The following CLSTN2 variants were observed in gnomAD, a reference collection of about 807,000 sequenced individuals.
CLSTN2 encodes the protein calsyntenin 2.
CLSTN2 carries 48 observed loss-of-function variants against 101.2 expected under a neutral mutation model. The ratio of observed to expected loss-of-function variants is 0.47; its 90% CI spans 0.38 to 0.60. The LOEUF (loss-of-function observed/expected upper bound fraction) is 0.60. Ranked by LOEUF, CLSTN2 falls within the 20% of genes least tolerant of loss-of-function variation. The probability of loss-of-function intolerance (pLI) is 0.00; values close to 1 mark genes in which losing one functional copy is unlikely to be tolerated. For synonymous variants in CLSTN2, 481 were observed against 463.6 expected (o/e 1.04, Z -0.48); for missense variants, 1,160 against 1,238.2 (o/e 0.94, Z 0.95).
At chr3:140,474,495 G>A (rs530488060) in intron 8 of CLSTN2, among the ~76,000 whole-genome samples, 183 of 152,270 alleles carry the variant, frequency 1.2e-3, no homozygotes, top group Admixed American at 2.8e-3. Flanking sequence ...ATAGATGAAG[G>A]TGCCAAATCG....
At chr3:140,546,738 G>C in intron 10 of CLSTN2, 57 bp downstream of exon 10, 2 of 1,465,698 alleles carry the variant, frequency 1.4e-6, no homozygotes, top group Non-Finnish European at 9.2e-7. Context: ...TGCCCAGCCT[G>C]CACAGCGCCA....
intron 2 of CLSTN2, among the ~76,000 whole-genome samples, chr3:140,239,626 C>G (rs1189695594): frequency 1.3e-5 from 2 of 152,124 alleles, no homozygotes; most frequent in Non-Finnish European, 2.9e-5. Flanking sequence ...ACAATATCAT[C>G]CTCTGTGTCA....
At chr3:140,240,220 A>ATATATG (rs1455492947) in intron 2 of CLSTN2, among the ~76,000 whole-genome samples, 1 of 27,542 alleles carries the variant, frequency 3.6e-5, no homozygotes, top group Non-Finnish European at 6.2e-5. Flanking sequence ...ACACACACAC[A>ATATATG]CATATATATA....
At chr3:140,370,237 A>AC (rs990853340) in intron 2 of CLSTN2, among the ~76,000 whole-genome samples, 5 of 151,956 alleles carry the variant, frequency 3.3e-5, no homozygotes, top group Non-Finnish European at 5.9e-5. Context: ...ATGTCAAAGC[A>AC]CCCCCCATGC....
At chr3:139,976,772 C>A (rs923800137) in intron 1 of CLSTN2, among the ~76,000 whole-genome samples, 1 of 152,196 alleles carries the variant, frequency 6.6e-6, no homozygotes, top group Admixed American at 6.5e-5. Flanking sequence ...GGGTGTGAAA[C>A]ACGCTGAGGG....
intron 1 of CLSTN2, among the ~76,000 whole-genome samples, chr3:140,078,045 T>A (rs1189377945): frequency 6.6e-6 from 1 of 152,088 alleles, no homozygotes. Flanking sequence ...ACACGGTGGA[T>A]GAGGGGAAGA....
At chr3:140,257,116 A>G (rs367729865) in intron 2 of CLSTN2, among the ~76,000 whole-genome samples, 32 of 152,196 alleles carry the variant, frequency 2.1e-4, no homozygotes, top group African/African-American at 7.5e-4. Context: ...CACCAGAGTG[A>G]CTGAAAAGGG....
chr3:140,313,846 G>A (rs576064177), intron 2 of CLSTN2, among the ~76,000 whole-genome samples: 3 of 152,332 alleles, frequency 2.0e-5, no homozygotes, highest in Admixed American at 2.0e-4. Flanking sequence ...CCTTTGGGAA[G>A]GTGACATCTG....
intron 1 of CLSTN2, among the ~76,000 whole-genome samples, chr3:140,160,976 AT>A (rs2010036931): frequency 6.6e-6 from 1 of 152,168 alleles, no homozygotes; most frequent in African/African-American, 2.4e-5. Flanking sequence ...TGCTCAGATA[AT>A]AACAAGCAGT....
intron 7 of CLSTN2, among the ~76,000 whole-genome samples, chr3:140,463,575 C>T (rs563947313): frequency 1.2e-4 from 19 of 152,306 alleles, no homozygotes; most frequent in Non-Finnish European, 2.2e-4. Context: ...CTGCTCCAGG[C>T]TGGTGTCAGA....
intron 6 of CLSTN2, among the ~76,000 whole-genome samples, chr3:140,457,387 GA>G (rs1164329986): frequency 2.6e-5 from 4 of 152,194 alleles, no homozygotes; most frequent in African/African-American, 9.7e-5. Context: ...ATAGGTCAAA[GA>G]AACTATTGCC....
intron 16 of CLSTN2, among the ~76,000 whole-genome samples, chr3:140,564,394 C>G (rs1200641231): frequency 3.9e-5 from 6 of 152,176 alleles, no homozygotes; most frequent in Non-Finnish European, 8.8e-5. Flanking sequence ...CAAACAGAAC[C>G]AGAAATTTTG....
Position 140,532,354 on chromosome 3 carries a change from A to G in CLSTN2, c.1375A>G (p.Ile459Val). The change falls in exon 9 of 17, where the codon ATC (isoleucine) becomes GTC (valine). Residue 459 changes from isoleucine (I) to valine (V), a missense_variant. Ile to Val is a conservative substitution (Grantham distance 29). Coordinates refer to ENST00000458420, the MANE Select transcript of CLSTN2 (RefSeq NM_022131.3). ...TGACAAAGAGTGGCACTACTATGTC[A>G]TCAATGTGGAGTTTCCTGTGGTAAC... ...ICDKEWHYYV[I>V]NVEFPVVTLY... The G allele has an allele frequency of 1.2e-6, 2 of 1,610,206 alleles. No homozygotes were observed. Among genetic ancestry groups the G allele is most frequent in the Non-Finnish European group, 8.5e-7 (1 of 1,177,728 alleles).
chr3:140,298,583 A>G (rs770479051), intron 2 of CLSTN2, among the ~76,000 whole-genome samples: 10 of 152,208 alleles, frequency 6.6e-5, no homozygotes, highest in Non-Finnish European at 1.2e-4. Context: ...TCCCCCAGGA[A>G]CACTGGGGAA....
intron 1 of CLSTN2, among the ~76,000 whole-genome samples, chr3:139,982,519 T>G (rs991396163): frequency 1.3e-5 from 2 of 152,166 alleles, no homozygotes; most frequent in African/African-American, 4.8e-5. Context: ...TCAGAGAGGC[T>G]TCTTTATTTG....
rs538349049 is a variant in CLSTN2 at position 140,569,011 on chromosome 3, G to T, written c.*2758G>T. 6.6e-6 allele frequency: 1 copy of T among 152,234 alleles called. No individual in the cohort carries two copies. The highest frequency in any genetic ancestry group is 6.5e-5 in the Admixed American group (1 of 15,284). The allele number at this position is 152,234 out of a possible 1,614,324, so 9.4% of individuals were successfully genotyped here. On this transcript the variant is annotated 3_prime_UTR_variant, in exon 17 of 17. Transcript: ENST00000458420. The stretch of plus-strand genomic sequence containing the variant: ...TCATTCTCTGCATGTCAGCTACAAA[G>T]ATCAGGCACTTGAATGAATCCGCTG...
chr3:140,099,074 G>A (rs772310551), intron 1 of CLSTN2, among the ~76,000 whole-genome samples: 3 of 152,302 alleles, frequency 2.0e-5, no homozygotes, highest in East Asian at 1.9e-4. Context: ...CTGCTGGTCC[G>A]TATGTGGCTC....
At chr3:139,991,364 C>T (rs1936111260) in intron 1 of CLSTN2, among the ~76,000 whole-genome samples, 1 of 152,100 alleles carries the variant, frequency 6.6e-6, no homozygotes, top group Admixed American at 6.5e-5. Flanking sequence ...ATGGGCATTG[C>T]CATAAAACTA....
intron 1 of CLSTN2, among the ~76,000 whole-genome samples, chr3:140,082,594 A>G (rs2008616617): frequency 6.6e-6 from 1 of 151,488 alleles, no homozygotes; most frequent in Admixed American, 6.6e-5. Flanking sequence ...TCCCCCATAC[A>G]CCCCTCCAAA....
Sources: allele counts gnomAD v4.1 joint callset (sites outside exome capture counted in the v4.1 genomes callset), GRCh38; gene constraint gnomAD v4.1.1; transcripts MANE v1.5; gene names NCBI Gene and HGNC (gene_info 2026-07-23, HGNC 2026-07-21).